The following SESTD1 variants were observed in gnomAD, a reference collection of about 807,000 sequenced individuals.
The protein encoded by SESTD1 is SEC14 and spectrin domain containing 1.
In SESTD1, 43 loss-of-function variants were observed where a neutral mutation model predicts 101.7. The observed-to-expected ratio is 0.42, with a 90% confidence interval of 0.33 to 0.55. SESTD1 has a LOEUF of 0.55. Among genes scored for constraint, SESTD1 ranks in the 20% least tolerant of loss-of-function variants. The pLI is 0.07. For synonymous variants in SESTD1, 283 were observed against 286.8 expected, an observed-to-expected ratio of 0.99 and a Z score of 0.13; for missense variants, 647 against 815.1, an observed-to-expected ratio of 0.79 and a Z score of 2.51.
chr2:179,232,925 G>A (rs2047007444), intron 1 of SESTD1, among the ~76,000 whole-genome samples: 1 of 152,196 alleles, frequency 6.6e-6, no homozygotes, highest in South Asian at 2.1e-4. Flanking sequence ...GAGTGGAGAA[G>A]TGGTAGAAAA....
intron 5 of SESTD1, among the ~76,000 whole-genome samples, chr2:179,155,104 C>T (rs745460218): frequency 8.6e-5 from 13 of 151,708 alleles, no homozygotes; most frequent in Middle Eastern, 3.2e-3. Flanking sequence ...TTAGTAGAGA[C>T]GAGGTTTTAC....
chr2:179,148,412 G>A (rs2045441836), intron 7 of SESTD1, among the ~76,000 whole-genome samples: 1 of 152,196 alleles, frequency 6.6e-6, no homozygotes, highest in Admixed American at 6.5e-5. Flanking sequence ...AAAAGTGAAA[G>A]CTGACAAGGT....
intron 10 of SESTD1, among the ~76,000 whole-genome samples, chr2:179,125,536 C>T (rs192850045): frequency 7.2e-4 from 110 of 152,304 alleles, no homozygotes; most frequent in Non-Finnish European, 2.2e-4. Context: ...TTTTCCCTCA[C>T]ATCAGAAGGG....
chr2:179,202,587 C>T lies in SESTD1; in HGVS notation c.-25-10721G>A, dbSNP rs1463837350. Reference sequence around the variant, plus strand: ...TCTAATTAAATTCAAACACTTTTTCCTTGAGTTTAATTTTCAGGTTACCTA... The same window carrying T: ...TCTAATTAAATTCAAACACTTTTTCTTTGAGTTTAATTTTCAGGTTACCTA... On this transcript the variant is annotated intron_variant, in intron 1 of 17. Coordinates refer to ENST00000428443, the MANE Select transcript of SESTD1 (RefSeq NM_178123.5). Among the ~76,000 whole-genome samples the T allele has an allele frequency of 1.5e-5, 2 of 134,520 alleles. 1 individual carries two copies. The highest frequency in any genetic ancestry group is 3.2e-5 in the Non-Finnish European group (2 of 62,750). The allele number at this position is 134,520 out of a possible 152,430, so 88.3% of individuals were successfully genotyped here. A position where few individuals can be genotyped will look rare whatever the true frequency, so the allele number is the denominator to read the frequency against.
At position 179,108,583 on chromosome 2, in the gene SESTD1, G is replaced by A. The variant is rs1017379848; in HGVS notation, c.*1316C>T. On this transcript the variant is annotated 3_prime_UTR_variant, in exon 18 of 18. Transcript: ENST00000428443. Reference sequence around the variant, plus strand: ...GTGAAGAAGGCTGGAAAAACTAGCAGGTTAAAAGGGAGGGGTTTTTTTTTT... The same window carrying A: ...GTGAAGAAGGCTGGAAAAACTAGCAAGTTAAAAGGGAGGGGTTTTTTTTTT... 1.3e-5 allele frequency: 2 copies of A among 150,960 alleles called. No individual in the cohort carries two copies. Among genetic ancestry groups the A allele is most frequent in the East Asian group, 3.9e-4 (2 of 5,166 alleles). 9.4% of individuals were successfully genotyped at this position (150,960 alleles called of 1,614,324 possible).
chr2:179,204,265 A>T (rs1407293463), intron 1 of SESTD1, among the ~76,000 whole-genome samples: 1 of 134,860 alleles, frequency 7.4e-6, no homozygotes, highest in Non-Finnish European at 1.6e-5. Flanking sequence ...CTGTGTATTC[A>T]TCTTCTGAAA....
chr2:179,232,792 G>A (rs1231132595), intron 1 of SESTD1, among the ~76,000 whole-genome samples: 1 of 152,108 alleles, frequency 6.6e-6, no homozygotes, highest in Non-Finnish European at 1.5e-5. Context: ...TCTACTTTTT[G>A]TATAGGAAAG....
At chr2:179,195,849 T>TA (rs779869254) in intron 1 of SESTD1, among the ~76,000 whole-genome samples, 1,597 of 137,456 alleles carry the variant, frequency 0.012, 8 homozygotes, top group Non-Finnish European at 0.015. Flanking sequence ...GAAGGTTATT[T>TA]AAAAAAAAAA....
In SESTD1 at chr2:179,106,170, T is replaced by C. The variant is rs1210155955; in HGVS notation, c.*3729A>G. The C allele has an allele frequency of 6.6e-6, 1 of 152,174 alleles. No individual in the cohort carries two copies. Among genetic ancestry groups the C allele is most frequent in the Non-Finnish European group, 1.5e-5 (1 of 68,018 alleles). The allele number at this position is 152,174 out of a possible 1,614,324, so 9.4% of individuals were successfully genotyped here. On this transcript the variant is annotated 3_prime_UTR_variant, in exon 18 of 18. Transcript: ENST00000428443. ...CTAGAGAATTTTTCCTTTGGGGGCT[T>C]AAGCAAAGATATCCTAATCATACAG... is the stretch of plus-strand genomic sequence containing the variant.
chr2:179,147,892 G>A lies in SESTD1; in HGVS notation c.581+1405C>T, dbSNP rs539662582. 2.1e-3 allele frequency among the ~76,000 whole-genome samples: 315 copies of A among 152,284 alleles called. 1 individual carries two copies. Among genetic ancestry groups the A allele is most frequent in the Non-Finnish European group, 3.6e-3 (243 of 68,024 alleles). ...CTCGGATGGACTATTCAGAAAACAA[G>A]TCCAGCTAATTTTCATCAAGTAACT... On this transcript the variant is annotated intron_variant, in intron 7 of 17. Transcript: ENST00000428443.
chr2:179,144,515 T>C (rs531081470), intron 8 of SESTD1, among the ~76,000 whole-genome samples: 21 of 152,134 alleles, frequency 1.4e-4, no homozygotes, highest in African/African-American at 5.1e-4. Flanking sequence ...GAAACTACAA[T>C]TGTAGAATGT....
rs980570902 is a variant in SESTD1, at chr2:179,154,701, G to T, written c.370-3310C>A. Among the ~76,000 whole-genome samples the T allele has an allele frequency of 1.2e-4, 19 of 152,052 alleles. 1 individual carries two copies. The highest frequency in any genetic ancestry group is 4.3e-4 in the African/African-American group (18 of 41,480). On this transcript the variant is annotated intron_variant, in intron 5 of 17. Transcript: ENST00000428443. ...ACTTTCAGAAATATGCAGACTACTG[G>T]AAACTCTATAGGACAAACAATTTGG...
At chr2:179,219,153 C>T (rs2105524740) in intron 1 of SESTD1, among the ~76,000 whole-genome samples, 1 of 152,228 alleles carries the variant, frequency 6.6e-6, no homozygotes, top group East Asian at 1.9e-4. Context: ...AGATGGACAT[C>T]AGTGGGTGCC....
At position 179,213,347 on chromosome 2, in the gene SESTD1, C is replaced by T. The variant is rs546593948; in HGVS notation, c.-25-21481G>A. 3.0e-4 allele frequency among the ~76,000 whole-genome samples: 40 copies of T among 134,364 alleles called. 11 individuals carry two copies. Among genetic ancestry groups the T allele is most frequent in the South Asian group, 2.6e-3 (9 of 3,496 alleles). The allele number at this position is 134,364 out of a possible 152,430, so 88.1% of individuals were successfully genotyped here. A position where few individuals can be genotyped will look rare whatever the true frequency, so the allele number is the denominator to read the frequency against. On this transcript the variant is annotated intron_variant, in intron 1 of 17. Transcript: ENST00000428443. ...AAACCATGGCACAAGAACTTCAAGA[C>T]GCAGGCACAAGCTTCAATAGCCGAT...
rs1327964034 is a variant in SESTD1, at chr2:179,128,743, AAAAG to A, written c.972+3557_972+3560del. Among the ~76,000 whole-genome samples the A allele has an allele frequency of 9.6e-4, 144 of 150,380 alleles. 1 individual carries two copies. Among genetic ancestry groups the A allele is most frequent in the African/African-American group, 3.4e-3 (141 of 41,024 alleles). ...ACACTGTCTCAAAAAAAAAAAAAAG[AAAAG>A]AAAAAAAAAAAAACCCAGTAGAATG... On this transcript the variant is annotated intron_variant, in intron 10 of 17. Transcript: ENST00000428443.
At chr2:179,125,815 G>T (rs1215845068) in intron 10 of SESTD1, among the ~76,000 whole-genome samples, 2 of 151,844 alleles carry the variant, frequency 1.3e-5, no homozygotes, top group Non-Finnish European at 2.9e-5. Flanking sequence ...TAATTCACTG[G>T]GAAGTAATCG....
chr2:179,166,351 A>G (rs1048366793), intron 5 of SESTD1, among the ~76,000 whole-genome samples: 1 of 152,154 alleles, frequency 6.6e-6, no homozygotes, highest in Non-Finnish European at 1.5e-5. Context: ...AAAATCTTCA[A>G]TGCTATCTCT....
intron 1 of SESTD1, among the ~76,000 whole-genome samples, chr2:179,230,111 C>CTTTTTTTTTTTTTTTTTT (rs1559153333): frequency 2.5e-5 from 2 of 80,358 alleles, no homozygotes; most frequent in Admixed American, 2.0e-4. Flanking sequence ...TGGATTGTAT[C>CTTTTTTTTTTTTTTTTTT]TCTTTTTTTT....
At chr2:179,233,407 G>A (rs749424515) in intron 1 of SESTD1, among the ~76,000 whole-genome samples, 3 of 152,048 alleles carry the variant, frequency 2.0e-5, no homozygotes, top group Non-Finnish European at 2.9e-5. Flanking sequence ...GAATGAAACC[G>A]GTAATGATGG....
Sources: allele counts gnomAD v4.1 joint callset (sites outside exome capture counted in the v4.1 genomes callset), GRCh38; gene constraint gnomAD v4.1.1; transcripts MANE v1.5; gene names NCBI Gene and HGNC (gene_info 2026-07-23, HGNC 2026-07-21).